Variants in SMG6 observed in about 807,000 individuals in gnomAD.
SMG6 encodes the protein SMG6 nonsense mediated mRNA decay factor.
Under a neutral mutation model 142.2 loss-of-function variants are expected in SMG6, and 66 were observed. The ratio of observed to expected loss-of-function variants is 0.46; its 90% CI spans 0.38 to 0.57. The LOEUF (loss-of-function observed/expected upper bound fraction) is 0.57, where lower values mean the gene tolerates loss of function less well. Ranked by LOEUF, SMG6 falls within the 20% of genes least tolerant of loss-of-function variation. The pLI, the probability that SMG6 is intolerant of heterozygous loss-of-function variation, is 0.00. For missense variants in SMG6, 1,793 were observed against 1,832.0 expected, an observed-to-expected ratio of 0.98 and a Z score of 0.39; for synonymous variants, 779 against 702.4, an observed-to-expected ratio of 1.11 and a Z score of -1.72.
intron 12 of SMG6, among the ~76,000 whole-genome samples, chr17:2,184,428 T>A (rs1363254202): frequency 2.1e-5 from 3 of 145,350 alleles, no homozygotes. Flanking sequence ...GAGGCTGAGG[T>A]GGGTAGATCA....
chr17:2,273,213 A>G (rs1004502552), intron 8 of SMG6, among the ~76,000 whole-genome samples: 1 of 152,136 alleles, frequency 6.6e-6, no homozygotes, highest in African/African-American at 2.4e-5. Flanking sequence ...AGAAACCCAC[A>G]TAAAACAAGG....
At chr17:2,289,658 A>G (rs2074987002) in intron 6 of SMG6, among the ~76,000 whole-genome samples, 1 of 152,052 alleles carries the variant, frequency 6.6e-6, no homozygotes, top group African/African-American at 2.4e-5. Flanking sequence ...GCTCACGCAT[A>G]TAATCCCAGT....
At position 2,282,789 on chromosome 17, in the gene SMG6, T is replaced by C. The variant is rs1279778391; in HGVS notation, c.2519A>G (p.Lys840Arg). 1.2e-6 allele frequency: 2 copies of C among 1,614,220 alleles called. No homozygotes were observed. Among genetic ancestry groups the C allele is most frequent in the Non-Finnish European group, 1.7e-6 (2 of 1,180,042 alleles). Residue 840 changes from lysine (K) to arginine (R), a missense_variant, in exon 8 of 19, where the codon AAG (lysine) becomes AGG (arginine). By Grantham distance (26) the Lys-to-Arg change is conservative (BLOSUM62 2). Transcript: ENST00000263073. ...ATCTCCAACATGCCGGAAAGTAGACTTCTTTCCTTTCCGCCACTGGTCAGG... is the reference window on the plus strand; with the variant it reads ...ATCTCCAACATGCCGGAAAGTAGACCTCTTTCCTTTCCGCCACTGGTCAGG... ...LSPDQWRKGK[K>R]STFRHVGDDT... is the part of the protein sequence containing the mutation.
intron 10 of SMG6, among the ~76,000 whole-genome samples, chr17:2,200,954 A>G (rs2072503009): frequency 6.6e-6 from 1 of 152,198 alleles, no homozygotes. Flanking sequence ...AATTGGCAGC[A>G]TCAACTGCAA....
At chr17:2,146,566 A>G (rs1308515772) in intron 13 of SMG6, among the ~76,000 whole-genome samples, 2 of 152,050 alleles carry the variant, frequency 1.3e-5, no homozygotes, top group Non-Finnish European at 2.9e-5. Context: ...TTTTTTTGAG[A>G]CTAAGACTCT....
intron 13 of SMG6, among the ~76,000 whole-genome samples, chr17:2,136,174 G>A (rs571790765): frequency 1.3e-5 from 2 of 151,862 alleles, no homozygotes; most frequent in South Asian, 2.1e-4. Flanking sequence ...CGATTTTCAC[G>A]TCTCAGTTTC....
chr17:2,073,683 T>C (rs1415368945), intron 15 of SMG6, among the ~76,000 whole-genome samples: 1 of 99,334 alleles, frequency 1.0e-5, no homozygotes, highest in Admixed American at 1.5e-4. Flanking sequence ...CACTCCAGCC[T>C]GGGCAACAGA....
intron 9 of SMG6, among the ~76,000 whole-genome samples, chr17:2,239,088 T>C (rs969420817): frequency 2.6e-5 from 4 of 152,168 alleles, no homozygotes; most frequent in Non-Finnish European, 5.9e-5. Flanking sequence ...TCAAACTACC[T>C]GTAAGTAGTT....
intron 13 of SMG6, among the ~76,000 whole-genome samples, chr17:2,120,058 T>A (rs924796703): frequency 1.3e-5 from 2 of 152,214 alleles, no homozygotes; most frequent in African/African-American, 4.8e-5. Context: ...TCCACCCACC[T>A]CGGCCTCCCA....
chr17:2,137,222 C>T (rs927243677), intron 13 of SMG6, among the ~76,000 whole-genome samples: 3 of 152,106 alleles, frequency 2.0e-5, no homozygotes, highest in African/African-American at 2.4e-5. Context: ...AACCACGGAA[C>T]GCTTCTTGGT....
At chr17:2,270,163 T>G (rs570656824) in intron 8 of SMG6, among the ~76,000 whole-genome samples, 8 of 152,232 alleles carry the variant, frequency 5.3e-5, no homozygotes, top group Non-Finnish European at 7.4e-5. Flanking sequence ...TACAATGGAT[T>G]TGAGGGCAAT....
chr17:2,257,787 G>T (rs531045442), intron 8 of SMG6, among the ~76,000 whole-genome samples: 1 of 151,442 alleles, frequency 6.6e-6, no homozygotes, highest in South Asian at 2.1e-4. Context: ...GGGGGGCTGG[G>T]CGGATCACGA....
intron 9 of SMG6, among the ~76,000 whole-genome samples, chr17:2,243,365 A>C (rs916114513): frequency 1.3e-5 from 2 of 152,222 alleles, no homozygotes; most frequent in African/African-American, 4.8e-5. Flanking sequence ...GTGGAAACTG[A>C]CATAGCCCCT....
At chr17:2,222,606 T>C (rs985950568) in intron 10 of SMG6, among the ~76,000 whole-genome samples, 2 of 125,886 alleles carry the variant, frequency 1.6e-5, no homozygotes, top group Non-Finnish European at 3.2e-5. Context: ...TTGTAAATAA[T>C]GTGGCTTTTA....
intron 13 of SMG6, among the ~76,000 whole-genome samples, chr17:2,099,313 A>T (rs2068943715): frequency 6.6e-6 from 1 of 152,042 alleles, no homozygotes; most frequent in South Asian, 2.1e-4. Flanking sequence ...TCAATAAGGA[A>T]TAGGGACTCC....
intron 10 of SMG6, among the ~76,000 whole-genome samples, chr17:2,230,338 G>A (rs1319008482): frequency 0.077 from 780 of 10,070 alleles, 45 homozygotes; most frequent in Non-Finnish European, 0.092. Context: ...AAAAAAAAAG[G>A]GAAAACCACA....
At chr17:2,246,479 T>A (rs745608166) in intron 8 of SMG6, among the ~76,000 whole-genome samples, 1 of 152,258 alleles carries the variant, frequency 6.6e-6, no homozygotes, top group African/African-American at 2.4e-5. Context: ...AAGAGGTACA[T>A]TCTCACTTAA....
intron 8 of SMG6, among the ~76,000 whole-genome samples, chr17:2,264,238 G>A (rs2074375380): frequency 6.6e-6 from 1 of 152,212 alleles, no homozygotes; most frequent in Admixed American, 6.5e-5. Context: ...CCAGTTGGCT[G>A]GAACTCAGCA....
intron 13 of SMG6, among the ~76,000 whole-genome samples, chr17:2,145,642 C>A (rs1421279125): frequency 8.8e-5 from 3 of 34,050 alleles, no homozygotes; most frequent in Non-Finnish European, 1.5e-4. Flanking sequence ...CTCCATCTCC[C>A]CAAAAAAAAA....
Sources: allele counts gnomAD v4.1 joint callset (sites outside exome capture counted in the v4.1 genomes callset), GRCh38; gene constraint gnomAD v4.1.1; transcripts MANE v1.5; gene names NCBI Gene and HGNC (gene_info 2026-07-23, HGNC 2026-07-21).